The following CDH23 variants were observed in gnomAD, a reference collection of about 807,000 sequenced individuals.
CDH23 encodes cadherin related 23.
CDH23 carries 189 observed loss-of-function variants against 317.1 expected under a neutral mutation model. That is an observed-to-expected ratio of 0.60 (90% CI 0.53 to 0.67). CDH23 has a LOEUF of 0.67. CDH23 is among the 30% of genes least tolerant of loss of function. The pLI, the probability that CDH23 is intolerant of heterozygous loss-of-function variation, is 0.00. For synonymous variants in CDH23, 1,839 were observed against 1,876.8 expected (o/e 0.98, Z 0.52); for missense variants, 4,401 against 4,592.4 (o/e 0.96, Z 1.20).
rs116083653 is a variant in CDH23 at position 71,524,390 on chromosome 10, G to A, written c.429+13178G>A. On this transcript the variant is annotated intron_variant, in intron 6 of 69. Coordinates refer to ENST00000224721, the MANE Select transcript of CDH23 (RefSeq NM_022124.6). Reference sequence around the variant, plus strand: ...CTTGGTGTGCTCTCTTCCAAGACCCGTGCTGAAGGTAGCTCAGAAGTGCGG... The same window carrying A: ...CTTGGTGTGCTCTCTTCCAAGACCCATGCTGAAGGTAGCTCAGAAGTGCGG... Among the ~76,000 whole-genome samples the A allele has an allele frequency of 3.7e-3, 567 of 152,292 alleles. 4 individuals are homozygous for A. The highest frequency in any genetic ancestry group is 0.013 in the African/African-American group (535 of 41,552).
rs775889210 is a variant in CDH23, at chr10:71,682,445, T to C, written c.1859T>C (p.Val620Ala). 18 of 1,611,560 alleles carry C rather than the reference T, an allele frequency of 1.1e-5. No individual in the cohort carries two copies. Among genetic ancestry groups the C allele is most frequent in the Non-Finnish European group, 1.4e-5 (17 of 1,178,876 alleles). Residue 620 changes from valine to alanine, a missense_variant and splice_region_variant, in exon 18 of 70, where the codon GTG (valine) becomes GCG (alanine). Physicochemically the swap from Val to Ala is moderately conservative, Grantham distance 64. Around this residue, in one of 3 missense-constraint regions of CDH23, gnomAD observed 3,068 missense variants for 3,203.3 expected, o/e 0.96. Transcript: ENST00000224721. ...FDISLYEGYG[V>A]ISVSRPLDYE... ...ATCTGGCCTGTTCCTGTCATTGCAGTGATCAGCGTCAGTCGCCCCCTGGAT... is the reference window on the plus strand; with the variant it reads ...ATCTGGCCTGTTCCTGTCATTGCAGCGATCAGCGTCAGTCGCCCCCTGGAT...
At chr10:71,711,160 G>C (rs1865955151) in intron 27 of CDH23, among the ~76,000 whole-genome samples, 1 of 151,984 alleles carries the variant, frequency 6.6e-6, no homozygotes, top group African/African-American at 2.4e-5. Context: ...CTGGAGACTT[G>C]TTATCACCCC....
intron 6 of CDH23, among the ~76,000 whole-genome samples, chr10:71,556,155 T>G (rs1856864251): frequency 6.6e-6 from 1 of 152,096 alleles, no homozygotes; most frequent in African/African-American, 2.4e-5. Flanking sequence ...AAGAAGAGTT[T>G]AAAGAGAGAA....
chr10:71,622,967 AT>A, intron 11 of CDH23: 5 of 985,236 alleles, frequency 5.1e-6, no homozygotes, highest in Non-Finnish European at 6.0e-6. Flanking sequence ...CTGAGGGACT[AT>A]GCTGAAACTT....
In CDH23 at chr10:71,807,388, G is replaced by A. The variant is rs556148352; in HGVS notation, c.8290G>A (p.Val2764Met). The A allele has an allele frequency of 1.5e-4, 246 of 1,613,864 alleles. 2 individuals carry two copies. In the South Asian group the frequency reaches 2.3e-3, roughly 15 times the overall value. ...VDADEGPNAIVYYFIAAGNEE... is the reference protein window; with the variant it reads ...VDADEGPNAIMYYFIAAGNEE... Reference sequence around the variant, plus strand: ...TGCAGATGAGGGCCCCAACGCGATCGTGTACTACTTCATCGCAGGTGGGGC... The same window carrying A: ...TGCAGATGAGGGCCCCAACGCGATCATGTACTACTTCATCGCAGGTGGGGC... Residue 2764 changes from valine to methionine, a missense_variant, in exon 58 of 70, where the codon GTG (valine) becomes ATG (methionine). This residue lies in a region of CDH23 where 1,144 missense variants were observed against 1,138.2 expected (regional missense o/e 1.01). Coordinates refer to ENST00000224721, the MANE Select transcript of CDH23 (RefSeq NM_022124.6).
rs894005931 is a variant in CDH23, at chr10:71,803,220, G to T, written c.7672G>T (p.Val2558Leu). 7 of 1,606,526 alleles carry T rather than the reference G, an allele frequency of 4.4e-6. No homozygotes were observed. The African/African-American group carries it at 8.0e-5, about 18-fold the overall frequency. Residue 2558 changes from valine (V) to leucine (L), a missense_variant, in exon 55 of 70, where the codon GTG becomes TTG. Val to Leu is a conservative substitution (Grantham distance 32, BLOSUM62 1). Transcript: ENST00000224721. ...GCTCCCACTGCCAGAGGCCTTCCAT[G>T]TGGACATGGACTCGGGCTTGGTGAC... ...LEGPGVEAFH[V>L]DMDSGLVTTQ... is the part of the protein sequence containing the mutation.
chr10:71,585,770 C>T (rs540145820), intron 9 of CDH23, among the ~76,000 whole-genome samples: 9 of 152,288 alleles, frequency 5.9e-5, no homozygotes, highest in South Asian at 2.1e-4. Context: ...CTCATGAGCT[C>T]GCCTTTGTGA....
In CDH23 at chr10:71,813,242, A is replaced by C; in HGVS notation, c.9634-2A>C. The C allele has an allele frequency of 6.4e-7, 1 of 1,551,482 alleles. No homozygotes were observed. The highest frequency in any genetic ancestry group is 1.7e-4 in the Middle Eastern group (1 of 5,950). ...TGGGGGTTAACCCTTTCCCTCCCCC[A>C]GGGCTCGCTGCTGAAGGTGGTCCTG... On this transcript the variant is annotated splice_acceptor_variant, in intron 68 of 69. Transcript: ENST00000224721. LOFTEE classifies it high-confidence loss of function.
At chr10:71,739,867 A>T in intron 36 of CDH23, 95 bp downstream of exon 36, 8 of 1,370,714 alleles carry the variant, frequency 5.8e-6, no homozygotes, top group Non-Finnish European at 7.8e-6. Context: ...CCATCAGCAC[A>T]CTCTGGTGGT....
intron 1 of CDH23, among the ~76,000 whole-genome samples, chr10:71,435,437 G>A (rs1849572752): frequency 6.6e-6 from 1 of 152,190 alleles, no homozygotes. Flanking sequence ...CTCCCACTGT[G>A]CCTGGCACAA....
rs1490547672 is a variant in CDH23 at position 71,581,448 on chromosome 10, G to A, written c.832+3456G>A. 9.2e-5 allele frequency among the ~76,000 whole-genome samples: 14 copies of A among 152,308 alleles called. No homozygotes were observed. In the South Asian group the frequency reaches 1.0e-3, roughly 11 times the overall value. On this transcript the variant is annotated intron_variant, in intron 9 of 69. Transcript: ENST00000224721. Reference sequence around the variant, plus strand: ...ACAGGCCTGAGCCCACAATGGATCCGTGGCCCACAGTTAACTTGCCCAGTC... The same window carrying A: ...ACAGGCCTGAGCCCACAATGGATCCATGGCCCACAGTTAACTTGCCCAGTC...
rs542217387 is a variant in CDH23 at position 71,493,024 on chromosome 10, C to T, written c.146-17058C>T. On this transcript the variant is annotated intron_variant, in intron 3 of 69. Transcript: ENST00000224721. ...TCCATGTCCAGAAGCCCATGCTGTA[C>T]AGCTGTGGGCACACTACTCAGCAGT... Among the ~76,000 whole-genome samples the T allele has an allele frequency of 1.2e-4, 18 of 152,314 alleles. No individual in the cohort carries two copies. The South Asian group carries it at 3.1e-3, about 26-fold the overall frequency.
intron 41 of CDH23, 135 bp downstream of exon 41, chr10:71,779,582 A>G: frequency 1.6e-6 from 1 of 623,160 alleles, no homozygotes; most frequent in South Asian, 2.7e-5. Context: ...CAGTTTCCCC[A>G]TCTATGACAA....
intron 6 of CDH23, among the ~76,000 whole-genome samples, chr10:71,553,183 T>C (rs1395724299): frequency 2.6e-5 from 4 of 152,156 alleles, no homozygotes; most frequent in Admixed American, 2.6e-4. Flanking sequence ...GAATAGACAT[T>C]GGAATAGGAT....
At chr10:71,764,469 A>G (rs1840480082) in intron 38 of CDH23, among the ~76,000 whole-genome samples, 2 of 152,206 alleles carry the variant, frequency 1.3e-5, no homozygotes. Flanking sequence ...ATTTCATTGG[A>G]TCCTCAAAAT....
intron 3 of CDH23, among the ~76,000 whole-genome samples, chr10:71,453,196 A>G (rs947529100): frequency 1.3e-5 from 2 of 152,226 alleles, no homozygotes; most frequent in Non-Finnish European, 2.9e-5. Context: ...GTCAAGAGCC[A>G]TTAAGGTGGG....
At chr10:71,644,359 A>G (rs776925512) in intron 12 of CDH23, among the ~76,000 whole-genome samples, 44 of 152,268 alleles carry the variant, frequency 2.9e-4, no homozygotes, top group Non-Finnish European at 3.7e-4. Flanking sequence ...AAATGCAGCA[A>G]GTGTATTTGC....
intron 7 of CDH23, among the ~76,000 whole-genome samples, chr10:71,569,166 G>A (rs1381958686): frequency 2.6e-5 from 4 of 152,210 alleles, no homozygotes. Context: ...TGCCTGCCGA[G>A]AACCTCTCTG....
chr10:71,795,002 A>G (rs1461125823), intron 48 of CDH23, among the ~76,000 whole-genome samples: 2 of 152,234 alleles, frequency 1.3e-5, no homozygotes, highest in African/African-American at 4.8e-5. Context: ...ACACACACAG[A>G]GCAATGTAGA....
Sources: allele counts gnomAD v4.1 joint callset (sites outside exome capture counted in the v4.1 genomes callset), GRCh38; gene constraint gnomAD v4.1.1; regional missense constraint gnomAD v4.1.1; transcripts MANE v1.5; gene names NCBI Gene and HGNC (gene_info 2026-07-23, HGNC 2026-07-21).